The following CADPS2 variants were observed in gnomAD, a reference collection of about 807,000 sequenced individuals.
The protein encoded by CADPS2 is calcium-dependent secretion activator 2.
In CADPS2, 93 loss-of-function variants were observed where a neutral mutation model predicts 172.5. That is an observed-to-expected ratio of 0.54 (90% CI 0.46 to 0.64). The LOEUF is 0.64. CADPS2 is among the 30% of genes least tolerant of loss of function. The pLI, the probability that CADPS2 is intolerant of heterozygous loss-of-function variation, is 0.00. For missense variants in CADPS2, 1,420 were observed against 1,565.9 expected (o/e 0.91, Z 1.57); for synonymous variants, 546 against 555.2 (o/e 0.98, Z 0.23).
chr7:122,333,658 G>T (rs868040968), intron 28 of CADPS2, among the ~76,000 whole-genome samples: 14 of 152,126 alleles, frequency 9.2e-5, no homozygotes, highest in Middle Eastern at 3.4e-3. Flanking sequence ...CTCTTACTAG[G>T]TACAATTAGG....
At chr7:122,770,986 C>T (rs1373217562) in intron 1 of CADPS2, among the ~76,000 whole-genome samples, 1 of 152,148 alleles carries the variant, frequency 6.6e-6, no homozygotes, top group Non-Finnish European at 1.5e-5. Context: ...CTGGAGGCTG[C>T]CAGAAATTCT....
At chr7:122,364,283 C>T (rs115068165) in intron 25 of CADPS2, among the ~76,000 whole-genome samples, 1,558 of 151,786 alleles carry the variant, frequency 0.01, 23 homozygotes, top group African/African-American at 0.036. Flanking sequence ...GGCATGGTGG[C>T]GTGTGCCTGT....
intron 22 of CADPS2, among the ~76,000 whole-genome samples, chr7:122,391,958 G>A (rs766375125): frequency 1.3e-5 from 2 of 151,990 alleles, no homozygotes; most frequent in African/African-American, 4.8e-5. Context: ...GGGTAAGTTT[G>A]GTTTCTTAGT....
At chr7:122,525,399 G>T (rs1017190809) in intron 8 of CADPS2, among the ~76,000 whole-genome samples, 1 of 152,076 alleles carries the variant, frequency 6.6e-6, no homozygotes, top group African/African-American at 2.4e-5. Flanking sequence ...CTTCCCAATA[G>T]CCTCTTCTAC....
chr7:122,524,085 T>C (rs1447487753), intron 8 of CADPS2, among the ~76,000 whole-genome samples: 1 of 152,198 alleles, frequency 6.6e-6, no homozygotes, highest in Non-Finnish European at 1.5e-5. Flanking sequence ...TAGACATTTT[T>C]GTGAGATACT....
intron 8 of CADPS2, among the ~76,000 whole-genome samples, chr7:122,543,700 T>C (rs1210305073): frequency 6.6e-6 from 1 of 152,050 alleles, no homozygotes; most frequent in Non-Finnish European, 1.5e-5. Flanking sequence ...GATGGAAAAA[T>C]GAAAAATATC....
At chr7:122,534,423 T>C (rs1334865151) in intron 8 of CADPS2, among the ~76,000 whole-genome samples, 1 of 152,120 alleles carries the variant, frequency 6.6e-6, no homozygotes, top group Non-Finnish European at 1.5e-5. Context: ...ATATATTTAC[T>C]AGGCTGAAAG....
intron 7 of CADPS2, among the ~76,000 whole-genome samples, chr7:122,565,715 T>C (rs1390778773): frequency 6.6e-6 from 1 of 152,212 alleles, no homozygotes. Flanking sequence ...GAGGTATACT[T>C]GACAAAATTA....
intron 2 of CADPS2, among the ~76,000 whole-genome samples, chr7:122,706,184 T>C (rs1218503590): frequency 1.3e-5 from 1 of 74,958 alleles, no homozygotes; most frequent in East Asian, 3.4e-4. Context: ...GGAATACATA[T>C]ATATGCTTAT....
chr7:122,874,159 T>C (rs1820589353), intron 1 of CADPS2, among the ~76,000 whole-genome samples: 1 of 152,224 alleles, frequency 6.6e-6, no homozygotes, highest in South Asian at 2.1e-4. Context: ...AACTCTTTAG[T>C]TCTTTTACAT....
chr7:122,846,686 A>G (rs1212338993), intron 1 of CADPS2, among the ~76,000 whole-genome samples: 2 of 152,244 alleles, frequency 1.3e-5, no homozygotes, highest in African/African-American at 2.4e-5. Flanking sequence ...AGCAAGGAAG[A>G]GTGAATAGGC....
chr7:122,860,568 A>C (rs939019100), intron 1 of CADPS2, among the ~76,000 whole-genome samples: 8 of 152,144 alleles, frequency 5.3e-5, no homozygotes, highest in African/African-American at 1.9e-4. Flanking sequence ...GGTAATTGCA[A>C]CATTTTAGAA....
intron 8 of CADPS2, among the ~76,000 whole-genome samples, chr7:122,547,092 A>G (rs573663936): frequency 1.3e-5 from 2 of 151,320 alleles, no homozygotes; most frequent in Non-Finnish European, 2.9e-5. Flanking sequence ...TTTGCCTTTA[A>G]TTTTTATAAG....
chr7:122,766,348 T>C (rs1013851897), intron 1 of CADPS2, among the ~76,000 whole-genome samples: 1 of 152,174 alleles, frequency 6.6e-6, no homozygotes, highest in African/African-American at 2.4e-5. Flanking sequence ...AGAAGGTTTC[T>C]GCATTATTTG....
chr7:122,549,888 G>A (rs977722135), intron 8 of CADPS2, among the ~76,000 whole-genome samples: 2 of 152,074 alleles, frequency 1.3e-5, no homozygotes, highest in African/African-American at 4.8e-5. Context: ...GAACAGACTT[G>A]GCTTTGTTTA....
chr7:122,407,191 G>A (rs1490755319), intron 20 of CADPS2, among the ~76,000 whole-genome samples: 1 of 152,150 alleles, frequency 6.6e-6, no homozygotes. Context: ...AATTATTAAG[G>A]TCTTTCAGAG....
intron 1 of CADPS2, among the ~76,000 whole-genome samples, chr7:122,741,251 C>T (rs574350430): frequency 6.6e-6 from 1 of 152,104 alleles, no homozygotes; most frequent in Non-Finnish European, 1.5e-5. Context: ...TAAGTCACCA[C>T]TCACATAGAA....
At chr7:122,712,821 A>C (rs1356155444) in intron 2 of CADPS2, among the ~76,000 whole-genome samples, 1 of 152,070 alleles carries the variant, frequency 6.6e-6, no homozygotes, top group African/African-American at 2.4e-5. Flanking sequence ...CTGTGTTCTT[A>C]CATTGTGGAA....
rs535901856 is a variant in CADPS2, at chr7:122,493,504, C to T, written c.1543-2084G>A. 2.4e-4 allele frequency among the ~76,000 whole-genome samples: 37 copies of T among 152,162 alleles called. No individual in the cohort carries two copies. In the South Asian group the frequency reaches 6.0e-3, roughly 25 times the overall value. The stretch of plus-strand genomic sequence containing the variant: ...TTGTGGATTTAAAACTGAAAATTAA[C>T]ACAAAGATAACATTTCATTAGAAAA... On this transcript the variant is annotated intron_variant, in intron 9 of 29. Coordinates refer to ENST00000449022, the MANE Select transcript of CADPS2 (RefSeq NM_017954.11).
Sources: gnomAD v4.1 joint callset for allele counts (sites outside exome capture counted in the v4.1 genomes callset) on GRCh38, gnomAD v4.1.1 for gene constraint, MANE v1.5 for transcripts, NCBI Gene and HGNC (gene_info 2026-07-23, HGNC 2026-07-21) for gene names.